Variants in MGAM observed in about 807,000 individuals in gnomAD.
The protein encoded by MGAM is alpha-1,4-glucosidase.
Under a neutral mutation model 358.8 loss-of-function variants are expected in MGAM, and 253 were observed. That is an observed-to-expected ratio of 0.71 (90% CI 0.64 to 0.78). MGAM has a LOEUF of 0.78. MGAM is among the 30% of genes least tolerant of loss of function. The probability of loss-of-function intolerance (pLI) is 0.00; values close to 1 mark genes in which losing one functional copy is unlikely to be tolerated. For synonymous variants in MGAM, 1,105 were observed against 1,227.1 expected (o/e 0.90, Z 2.08); for missense variants, 3,080 against 3,432.6 (o/e 0.90, Z 2.57).
chr7:141,990,378 G>T (rs1554447047), intron 2 of MGAM, among the ~76,000 whole-genome samples: 1 of 152,206 alleles, frequency 6.6e-6, no homozygotes, highest in Non-Finnish European at 1.5e-5. Context: ...GCTTGGAGGT[G>T]TGGGGAGAAG....
chr7:142,023,326 A>T (rs1554459742), intron 7 of MGAM, among the ~76,000 whole-genome samples: 1 of 152,006 alleles, frequency 6.6e-6, no homozygotes, highest in African/African-American at 2.4e-5. Flanking sequence ...GGTCTCCCGT[A>T]AGTGCTGGGA....
chr7:142,079,044 C>T, intron 49 of MGAM, 36 bp downstream of exon 49: 1 of 1,475,660 alleles, frequency 6.8e-7, no homozygotes, highest in Non-Finnish European at 9.4e-7. Flanking sequence ...GTGATAAGAC[C>T]CTTTTCAGTT....
intron 34 of MGAM, among the ~76,000 whole-genome samples, chr7:142,061,489 A>G (rs1812195832): frequency 6.6e-6 from 1 of 152,098 alleles, no homozygotes; most frequent in Non-Finnish European, 1.5e-5. Flanking sequence ...TGCCAGACCC[A>G]TATAGGCTGA....
In MGAM at chr7:142,066,931, A is replaced by T. The variant is rs1486648335; in HGVS notation, c.4919+210A>T. Among the ~76,000 whole-genome samples the T allele has an allele frequency of 1.4e-5, 2 of 146,380 alleles. 1 individual carries two copies. The highest frequency in any genetic ancestry group is 4.0e-4 in the East Asian group (2 of 4,986). On this transcript the variant is annotated intron_variant, in intron 41 of 70. Coordinates refer to ENST00000475668, the MANE Select transcript of MGAM (RefSeq NM_001365693.1). ...AAAGGGTATTTATTGAATGACGAAA[A>T]TTGAAATGATGCAGTACAGCATAGA...
At position 142,034,839 on chromosome 7, in the gene MGAM, A is replaced by G. The variant is rs782440814; in HGVS notation, c.1957A>G (p.Met653Val). The G allele has an allele frequency of 1.7e-5, 28 of 1,611,294 alleles. No homozygotes were observed. Among genetic ancestry groups the G allele is most frequent in the East Asian group, 2.2e-5 (1 of 44,800 alleles). ...TGAGTTCAACCTTTTTGGCATCCCA[A>G]TGGTGAGCTGCTACCTCAAGCTCTC... Reference protein sequence around the residue: ...VLEFNLFGIPMVGPDICGFAL... With the variant: ...VLEFNLFGIPVVGPDICGFAL... The change falls in exon 16 of 71, where the codon ATG becomes GTG. Residue 653 changes from methionine to valine, a missense_variant and splice_region_variant. By Grantham distance (21) the Met-to-Val change is conservative. This residue lies in a region of MGAM where 1,816 missense variants were observed against 1,840.5 expected (regional missense o/e 0.99). Coordinates refer to ENST00000475668, the MANE Select transcript of MGAM (RefSeq NM_001365693.1).
chr7:142,072,049 C>G (rs1260460593), intron 44 of MGAM, among the ~76,000 whole-genome samples: 1 of 145,970 alleles, frequency 6.9e-6, no homozygotes, highest in Admixed American at 6.9e-5. Context: ...AATCCAATAC[C>G]AGTTGGCTTC....
At position 142,086,738 on chromosome 7, in the gene MGAM, T is replaced by A; in HGVS notation, c.6810+21T>A. ...TGGAGGTAAAGGGTCTTTGTAAATT[T>A]GGGTGGAGTCAGGGTTTCTAGGAAG... On this transcript the variant is annotated intron_variant, in intron 57 of 70. Transcript: ENST00000475668. 1.9e-6 allele frequency: 2 copies of A among 1,077,116 alleles called. 1 individual carries two copies. The highest frequency in any genetic ancestry group is 2.6e-6 in the Non-Finnish European group (2 of 777,988). The allele number at this position is 1,077,116 out of a possible 1,614,324, so 66.7% of individuals were successfully genotyped here.
Position 142,092,362 on chromosome 7 carries a change from T to G in MGAM, c.6946-159T>G, listed in dbSNP as rs185798008. Among the ~76,000 whole-genome samples, 241 of 146,104 alleles carry G rather than the reference T, an allele frequency of 1.6e-3. 8 individuals carry two copies. The highest frequency in any genetic ancestry group is 5.5e-3 in the African/African-American group (225 of 41,166). On this transcript the variant is annotated intron_variant, in intron 58 of 70. Coordinates refer to ENST00000475668, the MANE Select transcript of MGAM (RefSeq NM_001365693.1). ...GTTGTTCTGTAGGGGTGAATTCATCTTTCTAGCCAGTTCTCACCAGGATTT... is the reference window on the plus strand; with the variant it reads ...GTTGTTCTGTAGGGGTGAATTCATCGTTCTAGCCAGTTCTCACCAGGATTT...
At chr7:142,060,913 T>TA (rs573653818) in intron 34 of MGAM, among the ~76,000 whole-genome samples, 234 of 152,292 alleles carry the variant, frequency 1.5e-3, no homozygotes, top group African/African-American at 5.3e-3. Flanking sequence ...ACTTTGCTTT[T>TA]ACCTGTCAGT....
intron 3 of MGAM, among the ~76,000 whole-genome samples, chr7:142,017,473 T>C (rs1398561434): frequency 6.6e-6 from 1 of 152,244 alleles, no homozygotes; most frequent in Admixed American, 6.5e-5. Context: ...GCTGGCATTT[T>C]TGAGTTGGCC....
chr7:142,019,113 A>G (rs557660275), intron 3 of MGAM, 86 bp from the exon 4 acceptor site: 6 of 1,394,018 alleles, frequency 4.3e-6, no homozygotes, highest in South Asian at 2.6e-5. Flanking sequence ...TATTCATACC[A>G]GAGTCTCAAA....
intron 21 of MGAM, among the ~76,000 whole-genome samples, chr7:142,041,928 AATATATATATTATATATATACAT>A (rs1247536433): frequency 6.1e-5 from 1 of 16,444 alleles, no homozygotes; most frequent in Non-Finnish European, 1.0e-4. Context: ...TATAATATAT[AATATATATATTATATATATACAT>A]ATATATAATA....
chr7:142,074,214 G>T (rs532644216), intron 45 of MGAM, 41 bp downstream of exon 45: 2 of 1,331,470 alleles, frequency 1.5e-6, no homozygotes, highest in East Asian at 4.8e-5. Context: ...CCCAACCTGC[G>T]CCTGTGACTT....
chr7:142,002,669 GAA>G (rs1359728418), intron 1 of MGAM, among the ~76,000 whole-genome samples: 1 of 151,982 alleles, frequency 6.6e-6, no homozygotes, highest in East Asian at 1.9e-4. Flanking sequence ...CCTAAATGGA[GAA>G]AAGACAAGGA....
At chr7:142,098,797 A>C (rs536437260) in intron 66 of MGAM, among the ~76,000 whole-genome samples, 9 of 152,348 alleles carry the variant, frequency 5.9e-5, no homozygotes, top group African/African-American at 2.2e-4. Context: ...GAAGAGGAAA[A>C]GACAAAAGAA....
chr7:142,002,616 C>T (rs1554451028), intron 1 of MGAM, among the ~76,000 whole-genome samples: 29 of 152,008 alleles, frequency 1.9e-4, no homozygotes, highest in Non-Finnish European at 4.4e-5. Flanking sequence ...TAGCCAAAAT[C>T]ATACTGAACA....
At position 142,043,786 on chromosome 7, in the gene MGAM, GACA is replaced by G. The variant is rs1158571170; in HGVS notation, c.2498+2941_2498+2943del. 2.9e-4 allele frequency among the ~76,000 whole-genome samples: 21 copies of G among 73,320 alleles called. 1 individual carries two copies. In the East Asian group the frequency reaches 4.4e-3, roughly 15 times the overall value. 48.1% of individuals were successfully genotyped at this position (73,320 alleles called of 152,430 possible). On this transcript the variant is annotated intron_variant, in intron 21 of 70. Transcript: ENST00000475668. ...TAATATATACATTATATACACATAC[GACA>G]TATAATATATACATTATATACACAT...
At chr7:142,003,598 A>G (rs1804908742) in intron 1 of MGAM, among the ~76,000 whole-genome samples, 1 of 152,106 alleles carries the variant, frequency 6.6e-6, no homozygotes, top group Non-Finnish European at 1.5e-5. Flanking sequence ...TAAAATTACT[A>G]GAAGAAAAAT....
In MGAM at chr7:142,022,410, A is replaced by G. The variant is rs1419844317; in HGVS notation, c.853A>G (p.Ile285Val). The G allele has an allele frequency of 3.7e-6, 6 of 1,613,506 alleles. No homozygotes were observed. In the African/African-American group the frequency reaches 8.0e-5, roughly 22 times the overall value. ...RHDMNWKTWP[I>V]FNRDTTPNGN... ...TGATATGAATTGGAAGACCTGGCCC[A>G]TATTTAACAGAGACACAACTCCCAA... The change falls in exon 7 of 71, where the codon ATA (isoleucine) becomes GTA (valine). Residue 285 changes from isoleucine to valine, a missense_variant. By Grantham distance (29) the Ile-to-Val change is conservative. Coordinates refer to ENST00000475668, the MANE Select transcript of MGAM (RefSeq NM_001365693.1).
Sources: gnomAD v4.1 joint callset for allele counts (sites outside exome capture counted in the v4.1 genomes callset) on GRCh38, gnomAD v4.1.1 for gene constraint, gnomAD v4.1.1 regional missense constraint, MANE v1.5 for transcripts, NCBI Gene and HGNC (gene_info 2026-07-23, HGNC 2026-07-21) for gene names.